Variants in NUDT3 observed in about 807,000 individuals in gnomAD.
NUDT3 encodes the protein diphosphoinositol polyphosphate phosphohydrolase 1.
A neutral mutation model predicts 23.6 loss-of-function variants in NUDT3; 9 were observed. The observed-to-expected ratio is 0.38, with a 90% CI of 0.23 to 0.66. The LOEUF (loss-of-function observed/expected upper bound fraction) is 0.66, where lower values mean the gene tolerates loss of function less well. Ranked by LOEUF, NUDT3 falls within the 30% of genes least tolerant of loss-of-function variation. The probability of loss-of-function intolerance (pLI) is 0.52; values close to 1 mark genes in which losing one functional copy is unlikely to be tolerated. For missense variants in NUDT3, 172 were observed against 218.5 expected (o/e 0.79, Z 1.34); for synonymous variants, 86 against 82.6 (o/e 1.04, Z -0.22).
chr6:34,349,383 G>T (rs1488088811), intron 1 of NUDT3, among the ~76,000 whole-genome samples: 5 of 140,038 alleles, frequency 3.6e-5, no homozygotes, highest in African/African-American at 1.1e-4. Context: ...TATGGGCTGG[G>T]TCAATGGTGT....
chr6:34,374,950 G>A lies in NUDT3; in HGVS notation c.99+17314C>T, dbSNP rs1418270258. ...TCCCCAATCTTGGGACATCTCTACCGTTCTCTTTCCCCTCTCCAGCGTCTA... is the reference window on the plus strand; with the variant it reads ...TCCCCAATCTTGGGACATCTCTACCATTCTCTTTCCCCTCTCCAGCGTCTA... On this transcript the variant is annotated intron_variant, in intron 1 of 4. Transcript: ENST00000607016. 5.9e-5 allele frequency among the ~76,000 whole-genome samples: 9 copies of A among 152,074 alleles called. No individual in the cohort carries two copies. The East Asian group carries it at 1.5e-3, about 26-fold the overall frequency.
At chr6:34,294,172 G>A (rs1168932615) in intron 3 of NUDT3, among the ~76,000 whole-genome samples, 1 of 152,086 alleles carries the variant, frequency 6.6e-6, no homozygotes, top group Non-Finnish European at 1.5e-5. Context: ...TTTTAGTAGA[G>A]ACAGGGTTTC....
intron 1 of NUDT3, among the ~76,000 whole-genome samples, chr6:34,353,664 A>C (rs1045985592): frequency 6.6e-6 from 1 of 151,834 alleles, no homozygotes; most frequent in South Asian, 2.1e-4. Context: ...TTGGCCTCCC[A>C]AAGTGCTAGG....
chr6:34,384,426 C>CG (rs1169522909), intron 1 of NUDT3, among the ~76,000 whole-genome samples: 9 of 152,096 alleles, frequency 5.9e-5, no homozygotes, highest in African/African-American at 2.2e-4. Flanking sequence ...AAAACAGACC[C>CG]GTTAGGAGCA....
intron 1 of NUDT3, among the ~76,000 whole-genome samples, chr6:34,373,880 G>T (rs747534382): frequency 2.6e-5 from 4 of 152,026 alleles, no homozygotes; most frequent in African/African-American, 4.8e-5. Flanking sequence ...TCGGCTGGGC[G>T]CAGTGGCTCA....
rs2113686629 is a variant in NUDT3 at position 34,285,008 on chromosome 6, T to G, written c.*3745A>C. Reference sequence around the variant, plus strand: ...TGTTCCATGGGGCTGTGCAGTGCAATGCAGAAGGCGGAAATCCTGCTGTGA... The same window carrying G: ...TGTTCCATGGGGCTGTGCAGTGCAAGGCAGAAGGCGGAAATCCTGCTGTGA... On this transcript the variant is annotated 3_prime_UTR_variant, in exon 5 of 5. Transcript: ENST00000607016. The G allele has an allele frequency of 6.6e-6, 1 of 152,328 alleles. No individual in the cohort carries two copies. Among genetic ancestry groups the G allele is most frequent in the East Asian group, 1.9e-4 (1 of 5,176 alleles). 9.4% of individuals were successfully genotyped at this position (152,328 alleles called of 1,614,324 possible). A position where few individuals can be genotyped will look rare whatever the true frequency, so the allele number is the denominator to read the frequency against.
chr6:34,301,961 TA>T (rs1362412263), intron 2 of NUDT3, among the ~76,000 whole-genome samples: 28 of 152,314 alleles, frequency 1.8e-4, no homozygotes, highest in African/African-American at 6.7e-4. Flanking sequence ...GATTTCCTCT[TA>T]GGGGCATTAT....
rs145397744 is a variant in NUDT3, at chr6:34,377,316, T to C, written c.99+14948A>G. Among the ~76,000 whole-genome samples, 12 of 152,200 alleles carry C rather than the reference T, an allele frequency of 7.9e-5. No individual in the cohort carries two copies. In the East Asian group the frequency reaches 2.3e-3, roughly 29 times the overall value. ...TTTAAAACCATCACTGCACCGAGAATAGTGTTTTGCAAAAAGTGAAGCCTC... is the reference window on the plus strand; with the variant it reads ...TTTAAAACCATCACTGCACCGAGAACAGTGTTTTGCAAAAAGTGAAGCCTC... On this transcript the variant is annotated intron_variant, in intron 1 of 4. Coordinates refer to ENST00000607016, the MANE Select transcript of NUDT3 (RefSeq NM_006703.4).
intron 2 of NUDT3, among the ~76,000 whole-genome samples, chr6:34,312,382 A>G (rs1763787058): frequency 6.6e-6 from 1 of 151,632 alleles, no homozygotes; most frequent in Non-Finnish European, 1.5e-5. Flanking sequence ...AGCCTGGGCA[A>G]CAAAGTGAGA....
chr6:34,308,110 ACT>A (rs1763710052), intron 2 of NUDT3, among the ~76,000 whole-genome samples: 1 of 110,462 alleles, frequency 9.1e-6, no homozygotes, highest in Non-Finnish European at 1.8e-5. Flanking sequence ...ACACAGAGAA[ACT>A]CTGTCTCAAA....
chr6:34,366,473 AAGGGAGGGAGGG>A (rs529092584), intron 1 of NUDT3, among the ~76,000 whole-genome samples: 397 of 29,818 alleles, frequency 0.013, 13 homozygotes, highest in Middle Eastern at 0.062. Flanking sequence ...AGAGAGAGGG[AAGGGAGGGAGGG>A]AGGGAGGGAG....
At chr6:34,320,121 T>C (rs1430001858) in intron 2 of NUDT3, among the ~76,000 whole-genome samples, 2 of 151,938 alleles carry the variant, frequency 1.3e-5, no homozygotes, top group South Asian at 4.1e-4. Context: ...AAGCCCACAG[T>C]CAAGAAGGAG....
At chr6:34,321,854 T>C (rs1180855038) in intron 2 of NUDT3, among the ~76,000 whole-genome samples, 1 of 152,200 alleles carries the variant, frequency 6.6e-6, no homozygotes, top group Non-Finnish European at 1.5e-5. Context: ...ACGGTGAACA[T>C]GATATACATG....
intron 2 of NUDT3, among the ~76,000 whole-genome samples, chr6:34,329,891 C>T (rs1206839288): frequency 6.6e-6 from 1 of 152,090 alleles, no homozygotes; most frequent in Admixed American, 6.6e-5. Flanking sequence ...TGAGTGATAA[C>T]ATGTGGTGTT....
Position 34,347,947 on chromosome 6 carries a change from C to T in NUDT3, c.100-5975G>A, listed in dbSNP as rs367780217. Among the ~76,000 whole-genome samples the T allele has an allele frequency of 2.2e-4, 33 of 151,366 alleles. 1 individual carries two copies. The South Asian group carries it at 6.5e-3, about 30-fold the overall frequency. ...GCCAGGAGTTCAAGACCAGCCTGGG[C>T]AACATACTGAAACCCCCATGTCTAC... On this transcript the variant is annotated intron_variant, in intron 1 of 4. Coordinates refer to ENST00000607016, the MANE Select transcript of NUDT3 (RefSeq NM_006703.4).
intron 1 of NUDT3, among the ~76,000 whole-genome samples, chr6:34,371,048 T>A (rs55798596): frequency 0.084 from 12,597 of 150,800 alleles, 698 homozygotes; most frequent in Non-Finnish European, 0.12. Context: ...GAGGCAGAGG[T>A]TGCAGTGAAC....
chr6:34,326,915 G>A (rs530178667), intron 2 of NUDT3, among the ~76,000 whole-genome samples: 3 of 152,206 alleles, frequency 2.0e-5, no homozygotes, highest in Non-Finnish European at 2.9e-5. Context: ...GGGGCTTGAC[G>A]GGTGTTCTCC....
chr6:34,309,687 TAA>T (rs573243081), intron 2 of NUDT3, among the ~76,000 whole-genome samples: 139 of 152,106 alleles, frequency 9.1e-4, no homozygotes, highest in Non-Finnish European at 1.5e-3. Context: ...TAAAAATTGA[TAA>T]GTCTTCAGCC....
At chr6:34,326,353 CA>C (rs1438370902) in intron 2 of NUDT3, among the ~76,000 whole-genome samples, 2 of 152,090 alleles carry the variant, frequency 1.3e-5, no homozygotes, top group Admixed American at 6.5e-5. Context: ...GACAAAAAAA[CA>C]AAAACTATCT....
Sources: allele counts gnomAD v4.1 joint callset (sites outside exome capture counted in the v4.1 genomes callset), GRCh38; gene constraint gnomAD v4.1.1; transcripts MANE v1.5; gene names NCBI Gene and HGNC (gene_info 2026-07-23, HGNC 2026-07-21).